The following SAMMSON variants were observed in gnomAD, a reference collection of about 807,000 sequenced individuals.
SAMMSON encodes the protein long intergenic non-protein coding RNA 1212.
intron 4 of SAMMSON, among the ~76,000 whole-genome samples, chr3:70,143,216 A>C (rs149804728): frequency 6.6e-6 from 1 of 152,170 alleles, no homozygotes; most frequent in African/African-American, 2.4e-5. Flanking sequence ...TATCCATGTG[A>C]TGAAACATCT....
At chr3:70,288,270 G>A (rs1429610600) in intron 6 of SAMMSON, among the ~76,000 whole-genome samples, 8 of 120,408 alleles carry the variant, frequency 6.6e-5, no homozygotes, top group African/African-American at 1.0e-4. Context: ...CTTTGTTCTC[G>A]TTGGTTTCAA....
At position 70,380,430 on chromosome 3, in the gene SAMMSON, AT is replaced by A. The variant is rs201466168; in HGVS notation, n.914-9140del. ...CATTTTTTAAAAATAAAAAGTCATTATTTTCTAGTTTTGTGCACTAAAAAGC... is the reference window on the plus strand; with the variant it reads ...CATTTTTTAAAAATAAAAAGTCATTATTTCTAGTTTTGTGCACTAAAAAGC... On this transcript the variant is annotated intron_variant and non_coding_transcript_variant, in intron 9 of 9. Transcript: ENST00000642114. 6.4e-3 allele frequency among the ~76,000 whole-genome samples: 977 copies of A among 152,250 alleles called. 3 individuals are homozygous for A. Among genetic ancestry groups the A allele is most frequent in the Non-Finnish European group, 8.5e-3 (578 of 68,000 alleles).
chr3:70,168,967 C>T (rs947112668), intron 4 of SAMMSON, among the ~76,000 whole-genome samples: 7 of 151,950 alleles, frequency 4.6e-5, no homozygotes, highest in African/African-American at 1.7e-4. Context: ...TTGAATTGCA[C>T]TGACTATGCT....
At chr3:70,351,046 A>G (rs1702791678) in intron 7 of SAMMSON, among the ~76,000 whole-genome samples, 1 of 152,132 alleles carries the variant, frequency 6.6e-6, no homozygotes, top group Admixed American at 6.5e-5. Context: ...AATATATCCT[A>G]TTTCAGATAT....
chr3:70,081,590 A>G (rs928094326), intron 4 of SAMMSON, among the ~76,000 whole-genome samples: 10 of 152,212 alleles, frequency 6.6e-5, no homozygotes, highest in Non-Finnish European at 1.3e-4. Flanking sequence ...GACTGACAGA[A>G]CAAATGAATT....
intron 3 of SAMMSON, among the ~76,000 whole-genome samples, chr3:70,055,867 C>T (rs769909251): frequency 4.6e-5 from 7 of 151,934 alleles, no homozygotes; most frequent in Non-Finnish European, 4.4e-5. Context: ...TGTAGTGTGC[C>T]ATCTTAGTGC....
rs189249513 is a variant in SAMMSON, at chr3:70,353,939, A to T, written n.740-236A>T. On this transcript the variant is annotated intron_variant and non_coding_transcript_variant, in intron 7 of 9. Coordinates refer to ENST00000642114, the Ensembl canonical transcript of SAMMSON. The stretch of plus-strand genomic sequence containing the variant: ...TCCAGGGATATATGCTAAGGGATAA[A>T]AGCCAATTTGAAAGGTTATCTACTA... 9.8e-5 allele frequency among the ~76,000 whole-genome samples: 15 copies of T among 152,310 alleles called. No individual in the cohort carries two copies. In the East Asian group the frequency reaches 2.1e-3, roughly 22 times the overall value.
chr3:70,279,110 AGATT>A lies in SAMMSON; in HGVS notation n.675-12068_675-12065del, dbSNP rs534298050. On this transcript the variant is annotated intron_variant and non_coding_transcript_variant, in intron 6 of 9. Coordinates refer to ENST00000642114, the Ensembl canonical transcript of SAMMSON. ...CTGACTTCCAAATGACATACTAGAT[AGATT>A]ATTTCCTCTGTTTCACTCACTACAT... Among the ~76,000 whole-genome samples the A allele has an allele frequency of 1.1e-3, 172 of 150,600 alleles. 1 individual carries two copies. The highest frequency in any genetic ancestry group is 0.011 in the South Asian group (51 of 4,636).
rs895184092 is a variant in SAMMSON at position 70,004,275 on chromosome 3, G to A, written n.22+4408G>A. Among the ~76,000 whole-genome samples, 7 of 152,164 alleles carry A rather than the reference G, an allele frequency of 4.6e-5. No individual in the cohort carries two copies. In the South Asian group the frequency reaches 8.3e-4, roughly 18 times the overall value. On this transcript the variant is annotated intron_variant and non_coding_transcript_variant, in intron 1 of 9. Coordinates refer to ENST00000642114, the Ensembl canonical transcript of SAMMSON. ...GACATTTTGTTAACAACACCAAGACGTATAAAACATTCTGTAAATGTTATT... is the reference window on the plus strand; with the variant it reads ...GACATTTTGTTAACAACACCAAGACATATAAAACATTCTGTAAATGTTATT...
intron 4 of SAMMSON, among the ~76,000 whole-genome samples, chr3:70,080,939 A>G (rs1223857305): frequency 6.6e-6 from 1 of 152,190 alleles, no homozygotes; most frequent in Non-Finnish European, 1.5e-5. Flanking sequence ...CTCCATGTGC[A>G]GCCCAGGGAG....
chr3:70,308,786 AT>A (rs1215920609), intron 7 of SAMMSON, among the ~76,000 whole-genome samples: 1 of 152,168 alleles, frequency 6.6e-6, no homozygotes, highest in Non-Finnish European at 1.5e-5. Context: ...GTTAGAAATA[AT>A]AGCAGTACTC....
At chr3:70,099,045 G>A (rs893509728) in intron 4 of SAMMSON, among the ~76,000 whole-genome samples, 20 of 152,040 alleles carry the variant, frequency 1.3e-4, no homozygotes, top group Admixed American at 3.9e-4. Flanking sequence ...TGATATGTAA[G>A]GCTCTAGTTC....
intron 4 of SAMMSON, among the ~76,000 whole-genome samples, chr3:70,160,988 A>G (rs2067612427): frequency 6.6e-6 from 1 of 152,132 alleles, no homozygotes; most frequent in African/African-American, 2.4e-5. Context: ...ATTCATATGT[A>G]GAAATACAAT....
intron 4 of SAMMSON, among the ~76,000 whole-genome samples, chr3:70,168,964 G>T (rs1398170666): frequency 6.6e-6 from 1 of 151,924 alleles, no homozygotes; most frequent in Non-Finnish European, 1.5e-5. Flanking sequence ...GTGTTGAATT[G>T]CACTGACTAT....
chr3:70,402,596 T>A (rs1401621976), intron 2 of SAMMSON, among the ~76,000 whole-genome samples: 1 of 152,306 alleles, frequency 6.6e-6, no homozygotes, highest in African/African-American at 2.4e-5. Context: ...GTGTAGTGGC[T>A]TACGCCTATA....
At chr3:70,138,868 C>T (rs1576132457) in intron 4 of SAMMSON, among the ~76,000 whole-genome samples, 1 of 152,070 alleles carries the variant, frequency 6.6e-6, no homozygotes. Flanking sequence ...CAACATTAAA[C>T]CTTGAGTCTT....
At chr3:70,181,913 G>T (rs912635561) in intron 4 of SAMMSON, among the ~76,000 whole-genome samples, 2 of 152,148 alleles carry the variant, frequency 1.3e-5, no homozygotes, top group African/African-American at 4.8e-5. Flanking sequence ...TCAGTGATGG[G>T]CAGGGGTGAG....
chr3:70,159,772 T>A (rs188267909), intron 4 of SAMMSON, among the ~76,000 whole-genome samples: 1 of 152,182 alleles, frequency 6.6e-6, no homozygotes, highest in Admixed American at 6.6e-5. Flanking sequence ...TTGGCCAGGA[T>A]GGTCTCAAAC....
intron 3 of SAMMSON, among the ~76,000 whole-genome samples, chr3:70,019,325 A>T (rs1193676804): frequency 6.6e-6 from 1 of 151,938 alleles, no homozygotes; most frequent in Non-Finnish European, 1.5e-5. Flanking sequence ...TGTTCCCTTT[A>T]CCATTATGTA....
Sources: gnomAD v4.1 joint callset for allele counts (sites outside exome capture counted in the v4.1 genomes callset) on GRCh38, gnomAD v4.1.1 for gene constraint, MANE v1.5 for transcripts, NCBI Gene and HGNC (gene_info 2026-07-23, HGNC 2026-07-21) for gene names.